Variants in PPARGC1A observed in about 807,000 individuals in gnomAD.
The protein encoded by PPARGC1A is peroxisome proliferator-activated receptor gamma coactivator 1-alpha.
PPARGC1A carries 25 observed loss-of-function variants against 88.7 expected under a neutral mutation model. The ratio of observed to expected loss-of-function variants is 0.28; its 90% CI spans 0.21 to 0.39. The LOEUF is 0.39. PPARGC1A is among the 10% of genes least tolerant of loss of function. The pLI is 1.00. For synonymous variants in PPARGC1A, 363 were observed against 355.6 expected (o/e 1.02, Z -0.24); for missense variants, 880 against 968.7 (o/e 0.91, Z 1.22).
chr4:24,280,016 G>A, the PPARGC1A span, among the ~76,000 whole-genome samples: 7 of 152,196 alleles, frequency 4.6e-5, no homozygotes, highest in South Asian at 4.2e-4. Flanking sequence ...TAGCCCATCC[G>A]CTCTTTCTCG....
chr4:23,900,185 T>C (rs1287384925), upstream of PPARGC1A, among the ~76,000 whole-genome samples: 1 of 152,172 alleles, frequency 6.6e-6, no homozygotes, highest in East Asian at 1.9e-4. Flanking sequence ...TATCAAAAAA[T>C]AGAATAGGAT....
At chr4:24,138,963 G>T in the PPARGC1A span, among the ~76,000 whole-genome samples, 65 of 152,192 alleles carry the variant, frequency 4.3e-4, no homozygotes, top group African/African-American at 1.5e-3. Flanking sequence ...TGTTTTGGGC[G>T]AGATAGTGTG....
At chr4:24,436,672 A>T in the PPARGC1A span, among the ~76,000 whole-genome samples, 1 of 132,540 alleles carries the variant, frequency 7.5e-6, no homozygotes, top group Non-Finnish European at 1.6e-5. Flanking sequence ...CAGGTCACAG[A>T]GCTGACATCG....
the PPARGC1A span, among the ~76,000 whole-genome samples, chr4:24,113,734 G>A: frequency 2.1e-4 from 32 of 152,194 alleles, 2 homozygotes; most frequent in East Asian, 1.9e-3. Flanking sequence ...TTCCCTGTCT[G>A]CTTGTAACAC....
the PPARGC1A span, among the ~76,000 whole-genome samples, chr4:24,123,062 C>T: frequency 6.6e-6 from 1 of 152,236 alleles, no homozygotes; most frequent in Non-Finnish European, 1.5e-5. Context: ...GGTGGTCATG[C>T]CCATGGAAGA....
chr4:24,039,322 A>C, the PPARGC1A span, among the ~76,000 whole-genome samples: 1 of 152,132 alleles, frequency 6.6e-6, no homozygotes, highest in Non-Finnish European at 1.5e-5. Context: ...ACACAATTGC[A>C]AGGAGTTGAG....
the PPARGC1A span, among the ~76,000 whole-genome samples, chr4:23,985,702 A>G: frequency 1.3e-5 from 2 of 152,090 alleles, no homozygotes; most frequent in African/African-American, 4.8e-5. Context: ...CACAAATCAC[A>G]ATGAGAAAAG....
At chr4:24,109,036 CCA>C in the PPARGC1A span, among the ~76,000 whole-genome samples, 2,352 of 128,402 alleles carry the variant, frequency 0.018, 44 homozygotes, top group African/African-American at 0.065. Flanking sequence ...CACACACACA[CCA>C]CACACACACA....
the PPARGC1A span, among the ~76,000 whole-genome samples, chr4:24,257,392 A>G: frequency 1.3e-5 from 2 of 152,206 alleles, no homozygotes; most frequent in African/African-American, 2.4e-5. Context: ...CACCTTTTAA[A>G]AGAGAAAAAA....
At chr4:24,129,291 C>T in the PPARGC1A span, among the ~76,000 whole-genome samples, 4,163 of 152,200 alleles carry the variant, frequency 0.027, 73 homozygotes, top group Middle Eastern at 0.048. Context: ...CTTAGCTATC[C>T]CTACAGTTAG....
rs775075777 is a variant in PPARGC1A, at chr4:23,812,879, A to G, written c.1899-12T>C. The G allele has an allele frequency of 3.7e-6, 6 of 1,613,906 alleles. No homozygotes were observed. In the African/African-American group the frequency reaches 6.7e-5, roughly 18 times the overall value. On this transcript the variant is annotated splice_polypyrimidine_tract_variant and intron_variant, in intron 9 of 12. Coordinates refer to ENST00000264867, the MANE Select transcript of PPARGC1A (RefSeq NM_013261.5). ...CGTAGCTGTCATACCTGGGAAACAT[A>G]ACTTTATCACTAAGTCAACCACCTC... is the stretch of plus-strand genomic sequence containing the variant.
At chr4:24,299,338 AAT>A in the PPARGC1A span, among the ~76,000 whole-genome samples, 20 of 151,562 alleles carry the variant, frequency 1.3e-4, no homozygotes, top group African/African-American at 4.8e-4. Flanking sequence ...GGTTTAATAA[AAT>A]ATATATATAT....
At chr4:23,997,418 T>C in the PPARGC1A span, among the ~76,000 whole-genome samples, 1 of 151,994 alleles carries the variant, frequency 6.6e-6, no homozygotes, top group South Asian at 2.1e-4. Flanking sequence ...CTGTTCTCTC[T>C]GTAGCAAAAG....
At chr4:23,894,346 C>T (rs895867078), upstream of PPARGC1A, among the ~76,000 whole-genome samples, 1 of 151,754 alleles carries the variant, frequency 6.6e-6, no homozygotes, top group Non-Finnish European at 1.5e-5. Flanking sequence ...TAAACACATG[C>T]TTTGGGCCTC....
chr4:23,913,412 T>A, the PPARGC1A span, among the ~76,000 whole-genome samples: 1 of 151,602 alleles, frequency 6.6e-6, no homozygotes, highest in Non-Finnish European at 1.5e-5. Flanking sequence ...AAACTTTAAC[T>A]CTTAAATCCT....
the PPARGC1A span, among the ~76,000 whole-genome samples, chr4:24,048,966 G>A: frequency 6.6e-6 from 1 of 151,840 alleles, no homozygotes; most frequent in Admixed American, 6.6e-5. Flanking sequence ...ATTCTACTTT[G>A]CACATGTCTT....
At chr4:24,120,763 G>T in the PPARGC1A span, among the ~76,000 whole-genome samples, 1 of 152,006 alleles carries the variant, frequency 6.6e-6, no homozygotes, top group African/African-American at 2.4e-5. Flanking sequence ...TTTCCACCAC[G>T]TGAGAACCCA....
the PPARGC1A span, among the ~76,000 whole-genome samples, chr4:23,936,929 G>A: frequency 6.6e-6 from 1 of 152,042 alleles, no homozygotes; most frequent in Non-Finnish European, 1.5e-5. Context: ...CAGACTCCCA[G>A]AATGGAGCAA....
chr4:24,022,383 G>T, the PPARGC1A span, among the ~76,000 whole-genome samples: 1 of 151,652 alleles, frequency 6.6e-6, no homozygotes, highest in Non-Finnish European at 1.5e-5. Context: ...TTCCCATAGC[G>T]CTCACTGCCT....
Sources: gnomAD v4.1 joint callset for allele counts (sites outside exome capture counted in the v4.1 genomes callset) on GRCh38, gnomAD v4.1.1 for gene constraint, MANE v1.5 for transcripts, NCBI Gene and HGNC (gene_info 2026-07-23, HGNC 2026-07-21) for gene names.